CYP39A1: variants seen among roughly 807,000 people sequenced by gnomAD.
The protein encoded by CYP39A1 is cytochrome P450 family 39 subfamily A member 1.
A neutral mutation model predicts 58.1 loss-of-function variants in CYP39A1; 49 were observed. The observed-to-expected ratio is 0.84, with a 90% CI of 0.67 to 1.07. CYP39A1 has a LOEUF of 1.07. CYP39A1 is among the 50% of genes least tolerant of loss of function. The pLI, the probability that CYP39A1 is intolerant of heterozygous loss-of-function variation, is 0.00. For missense variants in CYP39A1, 531 were observed against 539.4 expected, an observed-to-expected ratio of 0.98 and a Z score of 0.16; for synonymous variants, 209 against 187.6, an observed-to-expected ratio of 1.11 and a Z score of -0.93.
intron 7 of CYP39A1, among the ~76,000 whole-genome samples, chr6:46,596,776 C>T (rs540367515): frequency 9.2e-5 from 14 of 152,074 alleles, no homozygotes; most frequent in Non-Finnish European, 1.3e-4. Flanking sequence ...AACCATCAAC[C>T]TTTGTACCAT....
At chr6:46,596,745 G>A (rs1402283932) in intron 7 of CYP39A1, among the ~76,000 whole-genome samples, 1 of 151,974 alleles carries the variant, frequency 6.6e-6, no homozygotes, top group African/African-American at 2.4e-5. Context: ...AAAGGAGGGG[G>A]TGGGGTGGAC....
Position 46,596,008 on chromosome 6 carries a change from C to T in CYP39A1, c.1044G>A (p.Val348=), listed in dbSNP as rs1773125834. The T allele has an allele frequency of 1.2e-6, 2 of 1,609,464 alleles. No individual in the cohort carries two copies. The highest frequency in any genetic ancestry group is 1.1e-5 in the South Asian group (1 of 89,734). ...LKAPGVITRK[V]VKPVEILNYI... ...TTACCAAAATTTCCACAGGCTTCAC[C>T]ACTTTTCTAGTAATGACACCAGGAG... The change falls in exon 8 of 12, where the codon GTG becomes GTA. Residue 348 remains valine (V), a synonymous_variant. Transcript: ENST00000275016.
intron 1 of CYP39A1, 25 bp downstream of exon 1, chr6:46,652,381 G>A: frequency 6.3e-7 from 1 of 1,591,160 alleles, no homozygotes; most frequent in Non-Finnish European, 8.5e-7. Context: ...CTCCTCTGGA[G>A]ACCCCGTCTG....
At chr6:46,595,962 C>A (rs780003066) in intron 8 of CYP39A1, 25 bp downstream of exon 8, 25 of 1,598,056 alleles carry the variant, frequency 1.6e-5, no homozygotes, top group African/African-American at 2.7e-5. Context: ...AAGGTTGATT[C>A]ATTTAAAACC....
At chr6:46,584,172 T>A (rs1253710505) in intron 10 of CYP39A1, among the ~76,000 whole-genome samples, 2 of 152,212 alleles carry the variant, frequency 1.3e-5, no homozygotes, top group Non-Finnish European at 2.9e-5. Context: ...ATTGGCTGTT[T>A]AAAATAAGTA....
chr6:46,607,566 A>G (rs1346741184), intron 7 of CYP39A1, among the ~76,000 whole-genome samples: 1 of 152,100 alleles, frequency 6.6e-6, no homozygotes, highest in African/African-American at 2.4e-5. Flanking sequence ...AGTAATATTC[A>G]TTAAAAATTT....
chr6:46,616,125 TTTC>T (rs1169986014), intron 7 of CYP39A1, among the ~76,000 whole-genome samples: 1,679 of 4,292 alleles, frequency 0.39, 193 homozygotes, highest in Middle Eastern at 0.75. Flanking sequence ...CTTTCTTTTC[TTTC>T]TTTCTTTCTT....
rs557416005 is a variant in CYP39A1, at chr6:46,558,544, A to C, written c.1251-4690T>G. Among the ~76,000 whole-genome samples the C allele has an allele frequency of 2.8e-4, 43 of 152,234 alleles. 1 individual carries two copies. In the East Asian group the frequency reaches 7.9e-3, roughly 28 times the overall value. On this transcript the variant is annotated intron_variant, in intron 10 of 11. Transcript: ENST00000275016. ...TCCTCCTCCAAATGTGGAGATTATA[A>C]TTCAACATGAGATTTGGGTGGGGAC...
At chr6:46,566,435 G>A (rs1771284964) in intron 10 of CYP39A1, among the ~76,000 whole-genome samples, 1 of 152,108 alleles carries the variant, frequency 6.6e-6, no homozygotes, top group Admixed American at 6.6e-5. Context: ...TCTTCACAAG[G>A]CGGCAGGAAG....
intron 10 of CYP39A1, among the ~76,000 whole-genome samples, chr6:46,563,706 T>A (rs1305969364): frequency 6.6e-6 from 1 of 152,136 alleles, no homozygotes; most frequent in Non-Finnish European, 1.5e-5. Flanking sequence ...AGCTACACCA[T>A]GAGGGCAAAA....
intron 8 of CYP39A1, among the ~76,000 whole-genome samples, chr6:46,588,373 G>A (rs17320158): frequency 0.073 from 11,032 of 151,226 alleles, 676 homozygotes; most frequent in Admixed American, 0.17. Flanking sequence ...GTTACATAGA[G>A]GAAATTATAT....
rs142311340 is a variant in CYP39A1 at position 46,652,664 on chromosome 6, C to A, written c.-82G>T. 2.7e-4 allele frequency: 352 copies of A among 1,325,764 alleles called. 1 individual carries two copies. In the African/African-American group the frequency reaches 4.9e-3, roughly 19 times the overall value. 82.1% of individuals were successfully genotyped at this position (1,325,764 alleles called of 1,614,324 possible). ...TGCTTCTTTTCTGTGGGCTACGGAACCTGTCGGGACTCCCAACCTTTCTGC... is the reference window on the plus strand; with the variant it reads ...TGCTTCTTTTCTGTGGGCTACGGAAACTGTCGGGACTCCCAACCTTTCTGC... On this transcript the variant is annotated 5_prime_UTR_variant, in exon 1 of 12. Coordinates refer to ENST00000275016, the MANE Select transcript of CYP39A1 (RefSeq NM_016593.5).
At chr6:46,562,986 A>G (rs1243220401) in intron 10 of CYP39A1, among the ~76,000 whole-genome samples, 2 of 151,986 alleles carry the variant, frequency 1.3e-5, no homozygotes, top group Admixed American at 1.3e-4. Context: ...TTAAGATAGT[A>G]TTGATATTTA....
intron 2 of CYP39A1, 40 bp downstream of exon 2, chr6:46,642,123 A>C (rs2150599044): frequency 1.2e-6 from 2 of 1,606,780 alleles, no homozygotes; most frequent in Non-Finnish European, 1.7e-6. Flanking sequence ...CTGGATTCCA[A>C]TGTTGGATTT....
intron 10 of CYP39A1, among the ~76,000 whole-genome samples, chr6:46,568,006 A>C (rs1561954944): frequency 1.3e-5 from 2 of 151,384 alleles, no homozygotes; most frequent in East Asian, 3.9e-4. Flanking sequence ...TAAAAAAAAA[A>C]CAGGTGTATG....
chr6:46,586,324 C>T lies in CYP39A1; in HGVS notation c.1250+753G>A, dbSNP rs951937821. 1.1e-5 allele frequency: 11 copies of T among 984,124 alleles called. No individual in the cohort carries two copies. In the South Asian group the frequency reaches 4.2e-4, roughly 38 times the overall value. The allele number at this position is 984,124 out of a possible 1,614,324, so 61.0% of individuals were successfully genotyped here. A position where few individuals can be genotyped will look rare whatever the true frequency, so the allele number is the denominator to read the frequency against. On this transcript the variant is annotated intron_variant, in intron 10 of 11. Coordinates refer to ENST00000275016, the MANE Select transcript of CYP39A1 (RefSeq NM_016593.5). ...CTACATTTATTGAGTGAGATTTTGT[C>T]ATAAACAGGTACTGACATTTCCCCT...
At chr6:46,578,769 A>C (rs1024804367) in intron 10 of CYP39A1, among the ~76,000 whole-genome samples, 5 of 152,094 alleles carry the variant, frequency 3.3e-5, no homozygotes, top group African/African-American at 1.2e-4. Flanking sequence ...GAACAGACCA[A>C]TAATGAGTTC....
At chr6:46,649,104 C>G (rs1295563360) in intron 1 of CYP39A1, among the ~76,000 whole-genome samples, 1 of 152,206 alleles carries the variant, frequency 6.6e-6, no homozygotes, top group Non-Finnish European at 1.5e-5. Context: ...TGGGTTCTAG[C>G]CATCTCAAGG....
intron 10 of CYP39A1, among the ~76,000 whole-genome samples, chr6:46,575,418 C>A (rs1771798450): frequency 6.6e-6 from 1 of 152,182 alleles, no homozygotes; most frequent in South Asian, 2.1e-4. Context: ...AGGGTCCCTG[C>A]CTGGCTGCAA....
Sources: allele counts gnomAD v4.1 joint callset (sites outside exome capture counted in the v4.1 genomes callset), GRCh38; gene constraint gnomAD v4.1.1; transcripts MANE v1.5; gene names NCBI Gene and HGNC (gene_info 2026-07-23, HGNC 2026-07-21).